KNSTRN: variants seen among roughly 807,000 people sequenced by gnomAD.
The protein encoded by KNSTRN is kinetochore localized astrin (SPAG5) binding protein.
KNSTRN carries 38 observed loss-of-function variants against 44.7 expected under a neutral mutation model. That is an observed-to-expected ratio of 0.85 (90% CI 0.66 to 1.11). The LOEUF is 1.11. KNSTRN is among the 50% of genes most tolerant of loss of function. KNSTRN has a pLI of 0.00. For missense variants in KNSTRN, 406 were observed against 375.8 expected (o/e 1.08, Z -0.66); for synonymous variants, 158 against 148.1 (o/e 1.07, Z -0.48).
At chr15:40,391,707 T>C in intron 7 of KNSTRN, 153 bp downstream of exon 7, 1 of 699,782 alleles carries the variant, frequency 1.4e-6, no homozygotes, top group Non-Finnish European at 2.4e-6. Context: ...GTACTCAAAA[T>C]AGCATATTTT....
intron 4 of KNSTRN, among the ~76,000 whole-genome samples, chr15:40,387,885 G>C (rs1253039032): frequency 6.6e-6 from 1 of 152,144 alleles, no homozygotes; most frequent in Admixed American, 6.6e-5. Flanking sequence ...GCGCATGTCT[G>C]TAATCCCAGC....
chr15:40,393,174 TTGGTC>T, intron 8 of KNSTRN: 1 of 1,613,106 alleles, frequency 6.2e-7, no homozygotes, highest in Non-Finnish European at 8.5e-7. Context: ...CACAGATTCT[TTGGTC>T]TGGACTGTTT....
chr15:40,389,319 T>G (rs767787286), intron 4 of KNSTRN, 187 bp from the exon 5 acceptor site: 12 of 540,858 alleles, frequency 2.2e-5, no homozygotes, highest in Non-Finnish European at 3.4e-5. Context: ...TGACTAATCT[T>G]TTGTAATTTT....
chr15:40,391,452 T>G (rs1889994813), intron 6 of KNSTRN, 41 bp from the exon 7 acceptor site: 1 of 1,514,260 alleles, frequency 6.6e-7, no homozygotes, highest in African/African-American at 1.4e-5. Context: ...GTTTAGGGTG[T>G]GTAGTTCCCT....
chr15:40,383,198 G>T (rs766026287), intron 1 of KNSTRN, 30 bp from the exon 2 acceptor site: 8 of 1,604,766 alleles, frequency 5.0e-6, no homozygotes, highest in Middle Eastern at 3.3e-4. Flanking sequence ...GTGGCCCAGC[G>T]CTGGGTAACA....
chr15:40,393,176 G>A, intron 8 of KNSTRN: 1 of 1,613,186 alleles, frequency 6.2e-7, no homozygotes, highest in Non-Finnish European at 8.5e-7. Flanking sequence ...CAGATTCTTT[G>A]GTCTGGACTG....
intron 2 of KNSTRN, 55 bp downstream of exon 2, chr15:40,383,377 G>C (rs1889848867): frequency 4.3e-6 from 6 of 1,401,866 alleles, no homozygotes; most frequent in Non-Finnish European, 6.0e-6. Context: ...ATGGTCTCGG[G>C]AGTGTGGAGA....
intron 4 of KNSTRN, chr15:40,389,159 T>C (rs546095133): frequency 1.5e-5 from 7 of 458,256 alleles, no homozygotes; most frequent in Non-Finnish European, 2.6e-5. Flanking sequence ...CTTTCTTTTT[T>C]TTTTAGACGG....
Position 40,382,863 on chromosome 15 carries a change from G to A in KNSTRN, c.28G>A (p.Asp10Asn). Residue 10 changes from aspartate to asparagine, a missense_variant, in exon 1 of 9, where the codon GAC becomes AAC. Coordinates refer to ENST00000249776, the MANE Select transcript of KNSTRN (RefSeq NM_033286.4). MAAPEAPPL[D>N]RVFRTTWLST... ...GGCGGCTCCCGAAGCCCCGCCCCTG[G>A]ACAGAGTTTTCCGTACAACATGGCT... 2 of 1,612,042 alleles carry A rather than the reference G, an allele frequency of 1.2e-6. No homozygotes were observed. The highest frequency in any genetic ancestry group is 1.7e-6 in the Non-Finnish European group (2 of 1,179,912).
Position 40,391,970 on chromosome 15 carries a change from G to C in KNSTRN, c.769G>C (p.Glu257Gln), listed in dbSNP as rs763977796. The C allele has an allele frequency of 6.2e-7, 1 of 1,611,110 alleles. No homozygotes were observed. The highest frequency in any genetic ancestry group is 8.5e-7 in the Non-Finnish European group (1 of 1,179,132). ...DSMLLLETLQ[E>Q]ELKLFNETAK... is the part of the protein sequence containing the mutation. ...TTAGTTGCTGTTAGAAACTTTGCAA[G>C]AGGAGCTGAAGCTTTTTAACGAAAC... Residue 257 changes from glutamate (E) to glutamine (Q), a missense_variant, in exon 8 of 9, where the codon GAG (glutamate) becomes CAG (glutamine). Physicochemically the swap from Glu to Gln is conservative, Grantham distance 29. Coordinates refer to ENST00000249776, the MANE Select transcript of KNSTRN (RefSeq NM_033286.4).
intron 1 of KNSTRN, 31 bp from the exon 2 acceptor site, chr15:40,383,197 C>A: frequency 6.2e-7 from 1 of 1,605,746 alleles, no homozygotes; most frequent in Non-Finnish European, 8.5e-7. Context: ...AGTGGCCCAG[C>A]GCTGGGTAAC....
At chr15:40,387,238 A>C (rs1420860467) in intron 4 of KNSTRN, 32 bp downstream of exon 4, 2 of 1,530,462 alleles carry the variant, frequency 1.3e-6, no homozygotes, top group East Asian at 2.2e-5. Flanking sequence ...CTTGGCCACT[A>C]TTCTAGGGTA....
rs1889908829 is a variant in KNSTRN, at chr15:40,386,713, C to CT, written c.437+222dup. 4 of 561,794 alleles carry CT rather than the reference C, an allele frequency of 7.1e-6. 1 individual carries two copies. Among genetic ancestry groups the CT allele is most frequent in the Middle Eastern group, 9.5e-4 (2 of 2,096 alleles). 34.8% of individuals were successfully genotyped at this position (561,794 alleles called of 1,614,324 possible). On this transcript the variant is annotated intron_variant, in intron 3 of 8. Coordinates refer to ENST00000249776, the MANE Select transcript of KNSTRN (RefSeq NM_033286.4). ...AGAGTTATAAGAGGTGTTCTTTCCT[C>CT]TTTCATCGCTTGCTCTGAGCATACA...
chr15:40,391,596 G>A, intron 7 of KNSTRN, 42 bp downstream of exon 7: 3 of 1,494,666 alleles, frequency 2.0e-6, no homozygotes, highest in Non-Finnish European at 2.8e-6. Flanking sequence ...CTGAGTGACT[G>A]TGGGGCTCTG....
At chr15:40,387,546 C>T (rs1024476200) in intron 4 of KNSTRN, among the ~76,000 whole-genome samples, 6 of 152,056 alleles carry the variant, frequency 3.9e-5, no homozygotes, top group Non-Finnish European at 7.4e-5. Context: ...TTAGTGATCT[C>T]GAGATGAAGA....
At chr15:40,392,862 A>C (rs8031814) in intron 8 of KNSTRN, among the ~76,000 whole-genome samples, 22,632 of 151,978 alleles carry the variant, frequency 0.15, 1,845 homozygotes, top group African/African-American at 0.19. Flanking sequence ...CTGCCCGCCT[A>C]GGCTTCCCAA....
rs1285159142 is a variant in KNSTRN, at chr15:40,387,154, C to T, written c.438-5C>T. On this transcript the variant is annotated splice_polypyrimidine_tract_variant and splice_region_variant and intron_variant, in intron 3 of 8. Transcript: ENST00000249776. ...TGATTCATTTCTTTGTTTCTGCCCT[C>T]CTAGGCAAATGAAAGCTACTGACAC... 5.0e-6 allele frequency: 8 copies of T among 1,609,710 alleles called. No individual in the cohort carries two copies. The highest frequency in any genetic ancestry group is 4.0e-5 in the African/African-American group (3 of 74,844).
At chr15:40,385,981 G>A (rs888254121) in intron 2 of KNSTRN, among the ~76,000 whole-genome samples, 3 of 152,226 alleles carry the variant, frequency 2.0e-5, no homozygotes, top group Non-Finnish European at 2.9e-5. Flanking sequence ...GCCAGGCATC[G>A]TGGCTCACGC....
chr15:40,383,236 C>T lies in KNSTRN; in HGVS notation c.218C>T (p.Pro73Leu), dbSNP rs1163038741. 6.2e-7 allele frequency: 1 copy of T among 1,613,914 alleles called. No individual in the cohort carries two copies. Among genetic ancestry groups the T allele is most frequent in the African/African-American group, 1.3e-5 (1 of 75,074 alleles). ...CATCCTGTACCTTCCAGGGTTCAGC[C>T]GTGCCGCCTCGTTACGATGACCAGT... ...GQDRRAPGVQ[P>L]CRLVTMTSVV... Residue 73 changes from proline (P) to leucine (L), a missense_variant, in exon 2 of 9, where the codon CCG becomes CTG. By Grantham distance (98) the Pro-to-Leu change is moderately conservative. Coordinates refer to ENST00000249776, the MANE Select transcript of KNSTRN (RefSeq NM_033286.4).
Sources: gnomAD v4.1 joint callset for allele counts (sites outside exome capture counted in the v4.1 genomes callset) on GRCh38, gnomAD v4.1.1 for gene constraint, MANE v1.5 for transcripts, NCBI Gene and HGNC (gene_info 2026-07-23, HGNC 2026-07-21) for gene names.